BTC: variants seen among roughly 807,000 people sequenced by gnomAD.
The protein encoded by BTC is betacellulin.
In BTC, 13 loss-of-function variants were observed where a neutral mutation model predicts 18.1. The ratio of observed to expected loss-of-function variants is 0.72; its 90% CI spans 0.47 to 1.14. The LOEUF (loss-of-function observed/expected upper bound fraction) is 1.14, where lower values mean the gene tolerates loss of function less well. BTC is among the 50% of genes most tolerant of loss of function. BTC has a pLI of 0.00. For missense variants in BTC, 247 were observed against 224.2 expected (o/e 1.10, Z -0.65); for synonymous variants, 83 against 79.4 (o/e 1.05, Z -0.24).
intron 1 of BTC, among the ~76,000 whole-genome samples, chr4:74,781,598 T>C (rs72867594): frequency 0.18 from 27,047 of 151,980 alleles, 3,987 homozygotes; most frequent in African/African-American, 0.41. Flanking sequence ...GTTGGCTTCC[T>C]GGCTTATTCT....
chr4:74,763,990 T>C (rs1351315400), intron 2 of BTC, among the ~76,000 whole-genome samples: 2 of 149,528 alleles, frequency 1.3e-5, no homozygotes, highest in African/African-American at 5.0e-5. Flanking sequence ...AATTATTGTG[T>C]TAATTAAAAA....
intron 1 of BTC, among the ~76,000 whole-genome samples, chr4:74,784,242 A>AAG (rs1246004045): frequency 6.6e-6 from 1 of 151,676 alleles, no homozygotes; most frequent in African/African-American, 2.4e-5. Context: ...GAAAAAAAAA[A>AAG]AAAAAAAGAA....
At chr4:74,756,048 A>C in intron 2 of BTC, 72 bp from the exon 3 acceptor site, 15 of 1,272,260 alleles carry the variant, frequency 1.2e-5, no homozygotes, top group Admixed American at 1.7e-5. Context: ...TCATATTCTT[A>C]TCTTGCTGCC....
intron 1 of BTC, among the ~76,000 whole-genome samples, chr4:74,782,452 A>G (rs565127577): frequency 2.0e-5 from 3 of 152,228 alleles, no homozygotes; most frequent in Non-Finnish European, 4.4e-5. Context: ...TTATGGTTGC[A>G]TAGTATTCCG....
At chr4:74,777,185 T>C (rs1316136968) in intron 1 of BTC, among the ~76,000 whole-genome samples, 1 of 152,096 alleles carries the variant, frequency 6.6e-6, no homozygotes, top group Non-Finnish European at 1.5e-5. Flanking sequence ...TAAGATTGAG[T>C]TTCTCAACCA....
intron 1 of BTC, among the ~76,000 whole-genome samples, chr4:74,791,279 T>C (rs1725619018): frequency 6.6e-6 from 1 of 151,770 alleles, no homozygotes; most frequent in Admixed American, 6.6e-5. Context: ...GAGGCGGAGG[T>C]TGCAGTGAGC....
intron 1 of BTC, among the ~76,000 whole-genome samples, chr4:74,786,871 T>G (rs1012752520): frequency 2.0e-5 from 3 of 152,178 alleles, no homozygotes; most frequent in African/African-American, 7.2e-5. Flanking sequence ...TCTCTAGCAC[T>G]GCCAGCAGCA....
rs1553955433 is a variant in BTC at position 74,745,890 on chromosome 4, A to G, written c.*787T>C. 2 of 152,210 alleles carry G rather than the reference A, an allele frequency of 1.3e-5. No homozygotes were observed. The highest frequency in any genetic ancestry group is 2.9e-5 in the Non-Finnish European group (2 of 68,034). 9.4% of individuals were successfully genotyped at this position (152,210 alleles called of 1,614,324 possible). A position where few individuals can be genotyped will look rare whatever the true frequency, so the allele number is the denominator to read the frequency against. The stretch of plus-strand genomic sequence containing the variant: ...GCTTTAATAATGTAAAAATGTAGTC[A>G]CATCATTGAGAATTTATAAAGGAGC... On this transcript the variant is annotated 3_prime_UTR_variant, in exon 6 of 6. Transcript: ENST00000395743.
chr4:74,773,314 C>T (rs1454673891), intron 1 of BTC, among the ~76,000 whole-genome samples: 1 of 152,134 alleles, frequency 6.6e-6, no homozygotes, highest in Admixed American at 6.6e-5. Context: ...CTTTAAGTGT[C>T]CCAGAACCCA....
chr4:74,766,205 G>A (rs556600319), intron 2 of BTC, among the ~76,000 whole-genome samples: 45 of 152,070 alleles, frequency 3.0e-4, no homozygotes, highest in African/African-American at 1.1e-3. Flanking sequence ...GGCCTAGGAC[G>A]TTATCATAAA....
Position 74,770,060 on chromosome 4 carries a change from G to T in BTC, c.161C>A (p.Ala54Glu). Residue 54 changes from alanine (A) to glutamate (E), a missense_variant and splice_region_variant, in exon 2 of 6, where the codon GCA (alanine) becomes GAA (glutamate). By Grantham distance (107) the Ala-to-Glu change is moderately radical. Transcript: ENST00000395743. ...LLCGDPEENCAATTTQSKRKG... is the reference protein window; with the variant it reads ...LLCGDPEENCEATTTQSKRKG... ...ATATAAAACTTGTTAAACTTTACCT[G>T]CACAGTTTTCCTCAGGGTCTCCACA... 1 of 1,604,428 alleles carries T rather than the reference G, an allele frequency of 6.2e-7. No homozygotes were observed. Among genetic ancestry groups the T allele is most frequent in the South Asian group, 1.1e-5 (1 of 88,846 alleles).
rs1399928590 is a variant in BTC, at chr4:74,779,802, T to C, written c.65-9646A>G. ...CAGAACTTAAACCCTTTAAATGAGT[T>C]AGAGTAAGCCAACCCAACTTAGCAT... On this transcript the variant is annotated intron_variant, in intron 1 of 5. Coordinates refer to ENST00000395743, the MANE Select transcript of BTC (RefSeq NM_001729.4). Among the ~76,000 whole-genome samples the C allele has an allele frequency of 7.2e-5, 11 of 152,248 alleles. 1 individual carries two copies. The highest frequency in any genetic ancestry group is 6.5e-4 in the Admixed American group (10 of 15,286).
intron 1 of BTC, among the ~76,000 whole-genome samples, chr4:74,783,717 T>C (rs1035012756): frequency 1.3e-5 from 2 of 151,674 alleles, no homozygotes; most frequent in East Asian, 1.9e-4. Flanking sequence ...AGCATGACCA[T>C]TGTCATGATA....
intron 1 of BTC, among the ~76,000 whole-genome samples, chr4:74,777,779 T>A (rs1725215603): frequency 6.6e-6 from 1 of 151,532 alleles, no homozygotes; most frequent in African/African-American, 2.4e-5. Flanking sequence ...AATGATTCAA[T>A]AATACAAATA....
chr4:74,757,742 A>G (rs1724639897), intron 2 of BTC, among the ~76,000 whole-genome samples: 2 of 152,256 alleles, frequency 1.3e-5, no homozygotes, highest in Non-Finnish European at 2.9e-5. Flanking sequence ...TGGAAACAGT[A>G]GAAAGAACAC....
In BTC at chr4:74,790,165, A is replaced by G. The variant is rs576070134; in HGVS notation, c.64+4097T>C. On this transcript the variant is annotated intron_variant, in intron 1 of 5. Transcript: ENST00000395743. ...ACAGAAAGTCTTCCCATTAATTAGT[A>G]GAGCCTGATGACATTCGGGAAGTAT... is the stretch of plus-strand genomic sequence containing the variant. 2.0e-3 allele frequency among the ~76,000 whole-genome samples: 306 copies of G among 152,336 alleles called. 1 individual carries two copies. In the Middle Eastern group the frequency reaches 0.037, roughly 19 times the overall value.
chr4:74,771,421 T>C (rs1725035968), intron 1 of BTC, among the ~76,000 whole-genome samples: 1 of 152,238 alleles, frequency 6.6e-6, no homozygotes, highest in Non-Finnish European at 1.5e-5. Context: ...CAACTCAATT[T>C]GGTTCAACAA....
chr4:74,791,099 A>G (rs550154391), intron 1 of BTC, among the ~76,000 whole-genome samples: 6 of 152,298 alleles, frequency 3.9e-5, no homozygotes, highest in Middle Eastern at 3.4e-3. Flanking sequence ...TAATTCAGCA[A>G]CAAATATTTA....
At chr4:74,761,586 T>C (rs1430705393) in intron 2 of BTC, among the ~76,000 whole-genome samples, 1 of 152,228 alleles carries the variant, frequency 6.6e-6, no homozygotes, top group Non-Finnish European at 1.5e-5. Flanking sequence ...ACTTGGTCTT[T>C]CCTTATCTCA....
Sources: gnomAD v4.1 joint callset for allele counts (sites outside exome capture counted in the v4.1 genomes callset) on GRCh38, gnomAD v4.1.1 for gene constraint, MANE v1.5 for transcripts, NCBI Gene and HGNC (gene_info 2026-07-23, HGNC 2026-07-21) for gene names.